NOS1AP: variants seen among roughly 807,000 people sequenced by gnomAD.
NOS1AP encodes nitric oxide synthase 1 adaptor protein.
In NOS1AP, 21 loss-of-function variants were observed where a neutral mutation model predicts 56.2. The ratio of observed to expected loss-of-function variants is 0.37; its 90% CI spans 0.26 to 0.54. The LOEUF (loss-of-function observed/expected upper bound fraction) is 0.54, where lower values mean the gene tolerates loss of function less well. NOS1AP is among the 20% of genes least tolerant of loss of function. NOS1AP has a pLI of 0.84. For missense variants in NOS1AP, 522 were observed against 657.8 expected (o/e 0.79, Z 2.26); for synonymous variants, 270 against 274.6 (o/e 0.98, Z 0.17).
intron 5 of NOS1AP, among the ~76,000 whole-genome samples, chr1:162,342,937 G>T (rs1266552990): frequency 6.6e-6 from 1 of 152,214 alleles, no homozygotes. Flanking sequence ...AGTGTGCTGA[G>T]CCCTTCCCAG....
chr1:162,201,924 C>T (rs1652005985), intron 2 of NOS1AP, among the ~76,000 whole-genome samples: 1 of 152,182 alleles, frequency 6.6e-6, no homozygotes, highest in Non-Finnish European at 1.5e-5. Context: ...TTGATAGTTT[C>T]CTTTAGAACA....
Position 162,364,094 on chromosome 1 carries a change from C to T in NOS1AP, c.940-1310C>T, listed in dbSNP as rs1312673207. On this transcript the variant is annotated intron_variant, in intron 8 of 9. Coordinates refer to ENST00000361897, the MANE Select transcript of NOS1AP (RefSeq NM_014697.3). ...GTGGCCAACTGTGAGGTAGCACTGC[C>T]CTTTACTCCCTAAAAAAATGTGAAT... 4 of 985,294 alleles carry T rather than the reference C, an allele frequency of 4.1e-6. No individual in the cohort carries two copies. In the African/African-American group the frequency reaches 7.0e-5, roughly 17 times the overall value. 61.0% of individuals were successfully genotyped at this position (985,294 alleles called of 1,614,324 possible).
rs542734168 is a variant in NOS1AP at position 162,152,797 on chromosome 1, C to T, written c.106-1608C>T. Among the ~76,000 whole-genome samples the T allele has an allele frequency of 1.3e-4, 20 of 152,324 alleles. No individual in the cohort carries two copies. In the South Asian group the frequency reaches 3.7e-3, roughly 28 times the overall value. On this transcript the variant is annotated intron_variant, in intron 1 of 9. Coordinates refer to ENST00000361897, the MANE Select transcript of NOS1AP (RefSeq NM_014697.3). ...AACCCTCCTCACTGGGGTCAGGCCT[C>T]AGCTCCAAATTTCGGGAAAAACTTG...
intron 1 of NOS1AP, among the ~76,000 whole-genome samples, chr1:162,108,721 A>G (rs1647602114): frequency 6.6e-6 from 1 of 152,228 alleles, no homozygotes; most frequent in Non-Finnish European, 1.5e-5. Flanking sequence ...AACATTAAAA[A>G]AAAAGGATTT....
At chr1:162,131,487 T>C (rs184780498) in intron 1 of NOS1AP, among the ~76,000 whole-genome samples, 62 of 151,540 alleles carry the variant, frequency 4.1e-4, no homozygotes, top group East Asian at 1.6e-3. Context: ...TTAGGGTCTT[T>C]ATTATATTAG....
chr1:162,191,129 C>G (rs1225666384), intron 2 of NOS1AP, among the ~76,000 whole-genome samples: 2 of 152,188 alleles, frequency 1.3e-5, no homozygotes, highest in East Asian at 3.9e-4. Flanking sequence ...CATGGCTAGA[C>G]TTGCCCGTCC....
intron 8 of NOS1AP, among the ~76,000 whole-genome samples, chr1:162,361,097 C>T (rs192589521): frequency 1.1e-4 from 17 of 152,272 alleles, no homozygotes; most frequent in Admixed American, 2.0e-4. Flanking sequence ...GCACTCGGGA[C>T]GTGGCCGTAG....
At chr1:162,094,723 T>A (rs1200322208) in intron 1 of NOS1AP, among the ~76,000 whole-genome samples, 1 of 152,212 alleles carries the variant, frequency 6.6e-6, no homozygotes, top group Admixed American at 6.5e-5. Context: ...TCAGACAAGA[T>A]CTCTCAGCTA....
chr1:162,156,538 G>A (rs1649982488), intron 2 of NOS1AP, among the ~76,000 whole-genome samples: 1 of 152,148 alleles, frequency 6.6e-6, no homozygotes, highest in Non-Finnish European at 1.5e-5. Flanking sequence ...CACAGTTGTG[G>A]TTGCTGCTGT....
intron 2 of NOS1AP, chr1:162,157,000 A>G (rs1557809085): frequency 1.3e-5 from 2 of 154,096 alleles, no homozygotes; most frequent in Non-Finnish European, 2.9e-5. Flanking sequence ...GGGACATGGG[A>G]CCTCCCCAGT....
At chr1:162,365,806 C>T (rs1444666352) in intron 9 of NOS1AP, among the ~76,000 whole-genome samples, 1 of 152,044 alleles carries the variant, frequency 6.6e-6, no homozygotes, top group Non-Finnish European at 1.5e-5. Flanking sequence ...TGAATGTCCC[C>T]GGAGTCACTG....
At chr1:162,113,292 C>A (rs1263534452) in intron 1 of NOS1AP, among the ~76,000 whole-genome samples, 1 of 152,130 alleles carries the variant, frequency 6.6e-6, no homozygotes, top group Non-Finnish European at 1.5e-5. Context: ...GCAGTCCAGG[C>A]ATGACTTGGT....
At chr1:162,171,043 G>A (rs1371326257) in intron 2 of NOS1AP, among the ~76,000 whole-genome samples, 1 of 152,184 alleles carries the variant, frequency 6.6e-6, no homozygotes, top group African/African-American at 2.4e-5. Flanking sequence ...TTTGGATTTG[G>A]GGTGGGGTCC....
At chr1:162,078,532 C>T (rs1467442969) in intron 1 of NOS1AP, among the ~76,000 whole-genome samples, 2 of 152,076 alleles carry the variant, frequency 1.3e-5, no homozygotes, top group Admixed American at 6.5e-5. Context: ...GTCCATCACC[C>T]GTTCAGATGC....
At chr1:162,110,201 G>A (rs1347417197) in intron 1 of NOS1AP, among the ~76,000 whole-genome samples, 1 of 151,638 alleles carries the variant, frequency 6.6e-6, no homozygotes, top group African/African-American at 2.4e-5. Flanking sequence ...AGGGGTGCCT[G>A]TATTCTTTGT....
chr1:162,100,510 T>G (rs1472691959), intron 1 of NOS1AP, among the ~76,000 whole-genome samples: 2 of 152,226 alleles, frequency 1.3e-5, no homozygotes, highest in Non-Finnish European at 2.9e-5. Context: ...TTTGTTTGAG[T>G]TCATTGTAGA....
chr1:162,269,447 T>C (rs888682599), intron 2 of NOS1AP, among the ~76,000 whole-genome samples: 2 of 152,294 alleles, frequency 1.3e-5, no homozygotes, highest in East Asian at 1.9e-4. Flanking sequence ...ATCTTGGAAA[T>C]AGATAAAACA....
At chr1:162,293,598 T>C (rs1339125088) in intron 3 of NOS1AP, among the ~76,000 whole-genome samples, 1 of 152,180 alleles carries the variant, frequency 6.6e-6, no homozygotes, top group Non-Finnish European at 1.5e-5. Flanking sequence ...ACTCAACAGA[T>C]TAAGGAAAGA....
intron 2 of NOS1AP, among the ~76,000 whole-genome samples, chr1:162,167,694 CA>C: frequency 6.6e-6 from 1 of 152,250 alleles, no homozygotes; most frequent in Non-Finnish European, 1.5e-5. Context: ...GCCGCTAAGA[CA>C]TAGTCCTCAT....
Sources: gnomAD v4.1 joint callset for allele counts (sites outside exome capture counted in the v4.1 genomes callset) on GRCh38, gnomAD v4.1.1 for gene constraint, MANE v1.5 for transcripts, NCBI Gene and HGNC (gene_info 2026-07-23, HGNC 2026-07-21) for gene names.